GPC5: variants seen among roughly 807,000 people sequenced by gnomAD.
GPC5 encodes glypican-5.
In GPC5, 47 loss-of-function variants were observed where a neutral mutation model predicts 53.9. The observed-to-expected ratio is 0.87, with a 90% CI of 0.69 to 1.11. The LOEUF is 1.11. Ranked by LOEUF, GPC5 falls within the 50% of genes most tolerant of loss-of-function variation. The probability of loss-of-function intolerance (pLI) is 0.00; values close to 1 mark genes in which losing one functional copy is unlikely to be tolerated. For missense variants in GPC5, 748 were observed against 713.1 expected (o/e 1.05, Z -0.56); for synonymous variants, 286 against 263.3 (o/e 1.09, Z -0.84).
At chr13:91,457,391 T>C (rs1262899174) in intron 2 of GPC5, among the ~76,000 whole-genome samples, 1 of 152,146 alleles carries the variant, frequency 6.6e-6, no homozygotes. Flanking sequence ...AAGACGTTAT[T>C]TTAAAACTCA....
intron 5 of GPC5, among the ~76,000 whole-genome samples, chr13:91,831,283 A>T (rs2038655061): frequency 6.6e-6 from 1 of 151,440 alleles, no homozygotes; most frequent in Non-Finnish European, 1.5e-5. Flanking sequence ...GCAGGCTGGG[A>T]GGCTAGGACA....
intron 6 of GPC5, among the ~76,000 whole-genome samples, chr13:91,990,800 G>T (rs546170673): frequency 1.3e-5 from 2 of 152,046 alleles, no homozygotes; most frequent in African/African-American, 4.8e-5. Context: ...TCCACTCTGG[G>T]TACATTTTAG....
rs142690877 is a variant in GPC5 at position 91,435,191 on chromosome 13, C to T, written c.164-13570C>T. 8.3e-3 allele frequency among the ~76,000 whole-genome samples: 1,259 copies of T among 152,266 alleles called. 12 individuals are homozygous for T. Among genetic ancestry groups the T allele is most frequent in the Non-Finnish European group, 9.4e-3 (639 of 68,026 alleles). On this transcript the variant is annotated intron_variant, in intron 1 of 7. Transcript: ENST00000377067. ...GAATACCCTTTATTTCCTTCTCCTG[C>T]CTGATTGCCCTGGCCAGAACTTCCA...
intron 7 of GPC5, among the ~76,000 whole-genome samples, chr13:92,379,560 T>C (rs1481196064): frequency 6.6e-6 from 1 of 150,924 alleles, no homozygotes; most frequent in Non-Finnish European, 1.5e-5. Context: ...CTGTGCCCCT[T>C]GCATATTAGT....
At chr13:92,374,630 A>G (rs2043677932) in intron 7 of GPC5, among the ~76,000 whole-genome samples, 1 of 144,380 alleles carries the variant, frequency 6.9e-6, no homozygotes, top group African/African-American at 2.6e-5. Context: ...GCATATTCTC[A>G]CTCATAGGTG....
intron 7 of GPC5, among the ~76,000 whole-genome samples, chr13:92,466,160 C>A (rs545622535): frequency 1.2e-4 from 17 of 142,938 alleles, no homozygotes; most frequent in African/African-American, 4.5e-4. Flanking sequence ...ATATTATACC[C>A]CATAAATACG....
intron 7 of GPC5, among the ~76,000 whole-genome samples, chr13:92,254,175 T>G (rs1402145224): frequency 6.6e-6 from 1 of 152,250 alleles, no homozygotes; most frequent in Admixed American, 6.6e-5. Flanking sequence ...CAGTATCTAG[T>G]AGTTGGGTTT....
intron 7 of GPC5, among the ~76,000 whole-genome samples, chr13:92,271,506 GAGAA>G (rs2042839592): frequency 6.6e-6 from 1 of 152,124 alleles, no homozygotes; most frequent in South Asian, 2.1e-4. Flanking sequence ...CCACCTTTTT[GAGAA>G]AGAGATTGGT....
chr13:92,739,050 G>T (rs549314104), intron 7 of GPC5, among the ~76,000 whole-genome samples: 1 of 151,892 alleles, frequency 6.6e-6, no homozygotes, highest in Non-Finnish European at 1.5e-5. Context: ...ATCAATTTTC[G>T]TGGCACTTGT....
chr13:92,176,526 C>G (rs1278615385), intron 7 of GPC5, among the ~76,000 whole-genome samples: 1 of 152,176 alleles, frequency 6.6e-6, no homozygotes, highest in African/African-American at 2.4e-5. Context: ...CAACCAATAG[C>G]TAATGCTCAT....
At chr13:91,568,766 T>A (rs2031651269) in intron 2 of GPC5, among the ~76,000 whole-genome samples, 1 of 151,322 alleles carries the variant, frequency 6.6e-6, no homozygotes, top group Non-Finnish European at 1.5e-5. Context: ...TTCTTTTTTT[T>A]TTTTTTCAGA....
At chr13:91,733,862 G>A (rs754311084) in intron 4 of GPC5, among the ~76,000 whole-genome samples, 6 of 152,086 alleles carry the variant, frequency 3.9e-5, no homozygotes, top group Non-Finnish European at 5.9e-5. Context: ...TTCCAATACT[G>A]TGTTGAATAA....
intron 7 of GPC5, among the ~76,000 whole-genome samples, chr13:92,437,227 C>G (rs554977918): frequency 2.0e-5 from 3 of 152,098 alleles, no homozygotes; most frequent in Non-Finnish European, 4.4e-5. Context: ...TCAATAGAAT[C>G]GGCCCTTTTA....
At chr13:91,750,397 T>C (rs2037145869) in intron 4 of GPC5, among the ~76,000 whole-genome samples, 1 of 152,208 alleles carries the variant, frequency 6.6e-6, no homozygotes, top group East Asian at 1.9e-4. Context: ...GATAATTAGA[T>C]GGGACTGGAC....
intron 6 of GPC5, among the ~76,000 whole-genome samples, chr13:91,974,121 G>A (rs1302022003): frequency 1.3e-5 from 2 of 152,148 alleles, no homozygotes; most frequent in African/African-American, 4.8e-5. Context: ...TTGAGCTGTG[G>A]TGGGCTCAGA....
At chr13:92,437,031 A>G (rs2139380937) in intron 7 of GPC5, among the ~76,000 whole-genome samples, 1 of 152,316 alleles carries the variant, frequency 6.6e-6, no homozygotes, top group South Asian at 2.1e-4. Flanking sequence ...ATGAGACTGA[A>G]ACAGAAATAA....
intron 7 of GPC5, among the ~76,000 whole-genome samples, chr13:92,266,348 T>C (rs975566023): frequency 6.6e-6 from 1 of 152,196 alleles, no homozygotes; most frequent in African/African-American, 2.4e-5. Flanking sequence ...GGGAAGATTT[T>C]AAGGATAATT....
chr13:91,719,539 C>T (rs2036419524), intron 3 of GPC5, among the ~76,000 whole-genome samples: 1 of 152,224 alleles, frequency 6.6e-6, no homozygotes, highest in Non-Finnish European at 1.5e-5. Flanking sequence ...TATTTCCTAC[C>T]ATTCCAGCTA....
chr13:92,844,650 A>G (rs1026466888), intron 7 of GPC5, among the ~76,000 whole-genome samples: 1 of 152,110 alleles, frequency 6.6e-6, no homozygotes, highest in Non-Finnish European at 1.5e-5. Flanking sequence ...TCACATCATG[A>G]AGTAAAAAAC....
Sources: gnomAD v4.1 joint callset for allele counts (sites outside exome capture counted in the v4.1 genomes callset) on GRCh38, gnomAD v4.1.1 for gene constraint, MANE v1.5 for transcripts, NCBI Gene and HGNC (gene_info 2026-07-23, HGNC 2026-07-21) for gene names.